RASA2: variants seen among roughly 807,000 people sequenced by gnomAD.
RASA2 encodes RAS p21 protein activator 2.
A neutral mutation model predicts 118.2 loss-of-function variants in RASA2; 155 were observed. That is an observed-to-expected ratio of 1.31 (90% CI 1.15 to 1.50). RASA2 has a LOEUF of 1.50. RASA2 is among the 40% of genes most tolerant of loss of function. The pLI, the probability that RASA2 is intolerant of heterozygous loss-of-function variation, is 0.00. For missense variants in RASA2, 1,016 were observed against 1,009.6 expected (o/e 1.01, Z -0.09); for synonymous variants, 353 against 349.1 (o/e 1.01, Z -0.12).
intron 9 of RASA2, among the ~76,000 whole-genome samples, chr3:141,560,542 A>G (rs936886440): frequency 6.6e-6 from 1 of 152,216 alleles, no homozygotes; most frequent in Non-Finnish European, 1.5e-5. Flanking sequence ...TTGGTTTTCA[A>G]TAATGACTAT....
intron 1 of RASA2, among the ~76,000 whole-genome samples, chr3:141,507,104 TTTTTAAGTGTGC>T (rs1387882885): frequency 6.6e-6 from 1 of 152,202 alleles, no homozygotes; most frequent in African/African-American, 2.4e-5. Context: ...AAGGATTCCC[TTTTTAAGTGTGC>T]TGCTATTCAA....
At chr3:141,512,899 C>T (rs753043263) in intron 2 of RASA2, among the ~76,000 whole-genome samples, 7 of 151,854 alleles carry the variant, frequency 4.6e-5, no homozygotes, top group Non-Finnish European at 8.8e-5. Context: ...CCCGTCTCTA[C>T]GAAAAATACA....
chr3:141,585,795 G>A (rs141823070), intron 17 of RASA2, among the ~76,000 whole-genome samples: 1 of 152,064 alleles, frequency 6.6e-6, no homozygotes, highest in African/African-American at 2.4e-5. Flanking sequence ...GTGAGCCTCT[G>A]TCTCCACATA....
At chr3:141,577,850 G>A (rs76106641) in intron 15 of RASA2, among the ~76,000 whole-genome samples, 5,456 of 152,088 alleles carry the variant, frequency 0.036, 344 homozygotes, top group African/African-American at 0.12. Flanking sequence ...CTGGAGTCCT[G>A]TTTAATTACC....
At chr3:141,560,646 T>C (rs2082717211) in intron 9 of RASA2, among the ~76,000 whole-genome samples, 1 of 152,334 alleles carries the variant, frequency 6.6e-6, no homozygotes, top group East Asian at 1.9e-4. Flanking sequence ...CTAGTTTCCT[T>C]AGCAGAATCA....
intron 15 of RASA2, among the ~76,000 whole-genome samples, chr3:141,577,382 G>GC (rs1415495496): frequency 6.6e-6 from 1 of 152,016 alleles, no homozygotes; most frequent in East Asian, 1.9e-4. Context: ...TTTTTCATCT[G>GC]CTACTGTGTG....
At position 141,512,047 on chromosome 3, in the gene RASA2, T is replaced by G. The variant is rs574529520; in HGVS notation, c.134-116T>G. On this transcript the variant is annotated intron_variant, in intron 1 of 23. Transcript: ENST00000286364. The stretch of plus-strand genomic sequence containing the variant: ...TGATCTTTCTGTAATCACTAGTGTT[T>G]TTTTTTTTTTCTGTGCCACATTAAT... 8.4e-5 allele frequency: 56 copies of G among 668,730 alleles called. No homozygotes were observed. In the East Asian group the frequency reaches 1.6e-3, roughly 19 times the overall value. 41.4% of individuals were successfully genotyped at this position (668,730 alleles called of 1,614,324 possible). A position where few individuals can be genotyped will look rare whatever the true frequency, so the allele number is the denominator to read the frequency against.
chr3:141,567,476 T>C (rs1191821675), intron 9 of RASA2, among the ~76,000 whole-genome samples: 1 of 152,218 alleles, frequency 6.6e-6, no homozygotes, highest in Non-Finnish European at 1.5e-5. Context: ...ATGTAATTTA[T>C]TTCTCAAACA....
At chr3:141,586,171 T>C (rs774225793) in intron 18 of RASA2, 73 bp downstream of exon 18, 3 of 1,366,086 alleles carry the variant, frequency 2.2e-6, no homozygotes, top group Non-Finnish European at 3.0e-6. Flanking sequence ...AGCGTGGGTC[T>C]AAGAGTGAGG....
At chr3:141,596,363 CAG>C (rs1324476196) in intron 19 of RASA2, among the ~76,000 whole-genome samples, 8 of 152,178 alleles carry the variant, frequency 5.3e-5, no homozygotes, top group Non-Finnish European at 1.0e-4. Context: ...ACAGCTAAAA[CAG>C]TATGTAAAGG....
intron 15 of RASA2, among the ~76,000 whole-genome samples, chr3:141,578,262 G>C (rs904585057): frequency 1.3e-5 from 2 of 152,166 alleles, no homozygotes; most frequent in Non-Finnish European, 2.9e-5. Flanking sequence ...ATTTAACTGG[G>C]ATTCAAATTC....
intron 19 of RASA2, among the ~76,000 whole-genome samples, chr3:141,592,205 G>C (rs1330161101): frequency 2.0e-5 from 3 of 152,166 alleles, no homozygotes; most frequent in African/African-American, 7.2e-5. Flanking sequence ...AGGCTTCACT[G>C]AGAAAGTGAC....
chr3:141,502,972 T>C (rs1360373884), intron 1 of RASA2, among the ~76,000 whole-genome samples: 1 of 152,190 alleles, frequency 6.6e-6, no homozygotes, highest in Non-Finnish European at 1.5e-5. Flanking sequence ...AGAAAGACTC[T>C]AGGCTTTGGA....
intron 17 of RASA2, among the ~76,000 whole-genome samples, chr3:141,581,724 C>T (rs908835284): frequency 2.0e-5 from 3 of 152,066 alleles, no homozygotes; most frequent in African/African-American, 7.2e-5. Flanking sequence ...CATTATTGAA[C>T]ATTTAATGAA....
chr3:141,496,583 A>T (rs139164864), intron 1 of RASA2, among the ~76,000 whole-genome samples: 10,818 of 152,326 alleles, frequency 0.071, 743 homozygotes, highest in East Asian at 0.24. Flanking sequence ...ATCACTGGCC[A>T]TCAGAGAAAT....
At chr3:141,604,728 C>A (rs970496447) in intron 19 of RASA2, among the ~76,000 whole-genome samples, 4 of 136,154 alleles carry the variant, frequency 2.9e-5, no homozygotes, top group Admixed American at 8.7e-5. Flanking sequence ...TTTTCTGAGT[C>A]CTTACATATA....
intron 1 of RASA2, among the ~76,000 whole-genome samples, chr3:141,511,045 G>A (rs73869652): frequency 0.015 from 2,327 of 152,230 alleles, 61 homozygotes; most frequent in African/African-American, 0.053. Flanking sequence ...GCTTGGACTC[G>A]GTGATTCTGG....
chr3:141,517,988 G>T (rs1019181523), intron 3 of RASA2, among the ~76,000 whole-genome samples: 1 of 152,096 alleles, frequency 6.6e-6, no homozygotes, highest in African/African-American at 2.4e-5. Context: ...TGTCAGACTA[G>T]AGTGTGATCT....
At chr3:141,569,593 A>C (rs1022065511) in intron 9 of RASA2, among the ~76,000 whole-genome samples, 1 of 152,208 alleles carries the variant, frequency 6.6e-6, no homozygotes, top group Non-Finnish European at 1.5e-5. Context: ...TTGATTGTCA[A>C]TGGTACTTTA....
Sources: gnomAD v4.1 joint callset for allele counts (sites outside exome capture counted in the v4.1 genomes callset) on GRCh38, gnomAD v4.1.1 for gene constraint, MANE v1.5 for transcripts, NCBI Gene and HGNC (gene_info 2026-07-23, HGNC 2026-07-21) for gene names.